The following DCDC1 variants were observed in gnomAD, a reference collection of about 807,000 sequenced individuals.
DCDC1 encodes the protein doublecortin domain-containing protein 1.
DCDC1 carries 200 observed loss-of-function variants against 178.3 expected under a neutral mutation model. That is an observed-to-expected ratio of 1.12 (90% CI 1.00 to 1.26). DCDC1 has a LOEUF of 1.26. Among genes scored for constraint, DCDC1 ranks in the 50% most tolerant of loss-of-function variants. The pLI, the probability that DCDC1 is intolerant of heterozygous loss-of-function variation, is 0.00. For missense variants in DCDC1, 1,983 were observed against 1,749.2 expected (o/e 1.13, Z -2.38); for synonymous variants, 690 against 604.8 (o/e 1.14, Z -2.07).
At position 31,335,044 on chromosome 11, in the gene DCDC1, G is replaced by A. The variant is rs180996312; in HGVS notation, c.-7+403C>T. On this transcript the variant is annotated intron_variant, in intron 2 of 38. Transcript: ENST00000684477. ...GACACAGCAGGGCTTGCAGAGCTGCGGAGGGCTCTGCCCCGTTCAAGCTTC... is the reference window on the plus strand; with the variant it reads ...GACACAGCAGGGCTTGCAGAGCTGCAGAGGGCTCTGCCCCGTTCAAGCTTC... 4.7e-4 allele frequency among the ~76,000 whole-genome samples: 72 copies of A among 152,274 alleles called. 1 individual carries two copies. Among genetic ancestry groups the A allele is most frequent in the African/African-American group, 1.6e-3 (66 of 41,554 alleles).
intron 8 of DCDC1, among the ~76,000 whole-genome samples, chr11:31,244,549 C>T (rs1977596048): frequency 6.6e-6 from 1 of 151,818 alleles, no homozygotes; most frequent in African/African-American, 2.4e-5. Flanking sequence ...CGTAACTACA[C>T]ATAAACATTT....
intron 9 of DCDC1, among the ~76,000 whole-genome samples, chr11:31,219,112 T>TAC (rs142565101): frequency 1.3e-5 from 2 of 150,564 alleles, no homozygotes; most frequent in African/African-American, 2.4e-5. Context: ...CTCACATACA[T>TAC]ACACACACAC....
At chr11:30,868,468 C>G (rs1378246156) in intron 38 of DCDC1, among the ~76,000 whole-genome samples, 1 of 151,936 alleles carries the variant, frequency 6.6e-6, no homozygotes, top group Non-Finnish European at 1.5e-5. Flanking sequence ...CCAGGCTGGT[C>G]TTGAACTCCT....
chr11:31,242,659 G>A (rs142647276), intron 8 of DCDC1, among the ~76,000 whole-genome samples: 1 of 152,006 alleles, frequency 6.6e-6, no homozygotes, highest in South Asian at 2.1e-4. Flanking sequence ...AATAGGTCAT[G>A]CCGTTAGTTA....
intron 20 of DCDC1, among the ~76,000 whole-genome samples, chr11:31,036,394 T>C (rs1317306113): frequency 6.6e-6 from 1 of 152,198 alleles, no homozygotes; most frequent in African/African-American, 2.4e-5. Flanking sequence ...GAACATTACT[T>C]AGAGATAATC....
At chr11:31,263,014 G>T in intron 8 of DCDC1, 1 of 1,607,330 alleles carries the variant, frequency 6.2e-7, no homozygotes. Flanking sequence ...TGAAGCACGA[G>T]TCATGAATCC....
intron 8 of DCDC1, among the ~76,000 whole-genome samples, chr11:31,261,558 T>C (rs1488844447): frequency 2.6e-5 from 4 of 152,348 alleles, no homozygotes; most frequent in Middle Eastern, 6.8e-3. Context: ...ACTATTTATA[T>C]AACATTTACA....
At chr11:30,960,411 T>C (rs760093141) in intron 20 of DCDC1, among the ~76,000 whole-genome samples, 10 of 152,154 alleles carry the variant, frequency 6.6e-5, no homozygotes, top group Non-Finnish European at 1.2e-4. Flanking sequence ...TGACCTTTCA[T>C]GTAAAAGCAA....
At chr11:31,270,504 T>C (rs1427368039) in intron 7 of DCDC1, among the ~76,000 whole-genome samples, 1 of 152,186 alleles carries the variant, frequency 6.6e-6, no homozygotes, top group East Asian at 1.9e-4. Flanking sequence ...TGAACTCCTT[T>C]ATTCATTTCT....
At chr11:31,180,369 T>G (rs1305762543) in intron 9 of DCDC1, among the ~76,000 whole-genome samples, 5 of 152,214 alleles carry the variant, frequency 3.3e-5, no homozygotes, top group Non-Finnish European at 5.9e-5. Flanking sequence ...GATCATTATA[T>G]AACATAGATA....
At chr11:30,908,895 C>T (rs1945259546) in intron 29 of DCDC1, 51 bp downstream of exon 29, 1 of 1,450,700 alleles carries the variant, frequency 6.9e-7, no homozygotes, top group African/African-American at 1.4e-5. Flanking sequence ...TATTAAATTA[C>T]TCTCTTTTAC....
intron 9 of DCDC1, among the ~76,000 whole-genome samples, chr11:31,162,634 A>C (rs1966411800): frequency 6.6e-6 from 1 of 152,150 alleles, no homozygotes; most frequent in Non-Finnish European, 1.5e-5. Context: ...TATCATTAAC[A>C]CAGACGATGG....
At chr11:31,226,134 A>T (rs80190620) in intron 9 of DCDC1, among the ~76,000 whole-genome samples, 1 of 152,102 alleles carries the variant, frequency 6.6e-6, no homozygotes, top group Non-Finnish European at 1.5e-5. Context: ...TTTTGAAACT[A>T]TAATGACTTA....
At chr11:31,272,337 C>T (rs1243865762) in intron 7 of DCDC1, among the ~76,000 whole-genome samples, 1 of 152,082 alleles carries the variant, frequency 6.6e-6, no homozygotes, top group African/African-American at 2.4e-5. Context: ...TTTCACTTCT[C>T]AAATCTCATG....
intron 2 of DCDC1, among the ~76,000 whole-genome samples, chr11:31,333,083 T>C (rs1018220245): frequency 6.6e-6 from 1 of 152,222 alleles, no homozygotes; most frequent in Non-Finnish European, 1.5e-5. Flanking sequence ...GGTGCATATA[T>C]ATCTATGCTA....
chr11:31,238,104 A>T (rs1292621582), intron 9 of DCDC1, among the ~76,000 whole-genome samples: 2 of 152,032 alleles, frequency 1.3e-5, no homozygotes, highest in Non-Finnish European at 2.9e-5. Flanking sequence ...AAAAAAAAAA[A>T]GTACTATGCA....
intron 9 of DCDC1, among the ~76,000 whole-genome samples, chr11:31,231,776 C>G (rs1045098466): frequency 6.6e-6 from 1 of 152,124 alleles, no homozygotes; most frequent in Non-Finnish European, 1.5e-5. Context: ...CCTAAATAAG[C>G]TGGTTAAATT....
At chr11:30,925,223 C>A in intron 23 of DCDC1, 86 bp downstream of exon 23, 1 of 1,139,756 alleles carries the variant, frequency 8.8e-7, no homozygotes, top group Non-Finnish European at 1.3e-6. Context: ...AAATGGTAAG[C>A]ATTTGAAGAC....
chr11:31,067,514 T>C (rs909802858), intron 18 of DCDC1, among the ~76,000 whole-genome samples: 1 of 152,126 alleles, frequency 6.6e-6, no homozygotes, highest in Non-Finnish European at 1.5e-5. Flanking sequence ...GGACTTTTCA[T>C]ACGGCCCAGC....
Sources: gnomAD v4.1 joint callset for allele counts (sites outside exome capture counted in the v4.1 genomes callset) on GRCh38, gnomAD v4.1.1 for gene constraint, MANE v1.5 for transcripts, NCBI Gene and HGNC (gene_info 2026-07-23, HGNC 2026-07-21) for gene names.